Variants in LIMA1 observed in about 807,000 individuals in gnomAD.
LIMA1 encodes the protein LIM domain and actin-binding protein 1.
A neutral mutation model predicts 62.6 loss-of-function variants in LIMA1; 52 were observed. That is an observed-to-expected ratio of 0.83 (90% CI 0.67 to 1.05). The LOEUF is 1.05. Ranked by LOEUF, LIMA1 falls within the 50% of genes least tolerant of loss-of-function variation. The pLI is 0.00. For missense variants in LIMA1, 780 were observed against 902.2 expected, an observed-to-expected ratio of 0.86 and a Z score of 1.74; for synonymous variants, 302 against 317.8, an observed-to-expected ratio of 0.95 and a Z score of 0.53.
chr12:50,223,537 G>A (rs1474441161), intron 3 of LIMA1, among the ~76,000 whole-genome samples: 1 of 151,194 alleles, frequency 6.6e-6, no homozygotes, highest in Non-Finnish European at 1.5e-5. Flanking sequence ...CTGTTTTACA[G>A]ATCCTCTGGT....
chr12:50,193,669 T>TA (rs1565833557), intron 8 of LIMA1, among the ~76,000 whole-genome samples: 1,347 of 116,140 alleles, frequency 0.012, 53 homozygotes, highest in African/African-American at 0.046. Context: ...TATATATATT[T>TA]TTTTTTTTTT....
intron 9 of LIMA1, among the ~76,000 whole-genome samples, chr12:50,191,638 G>A (rs971884563): frequency 1.3e-5 from 2 of 151,938 alleles, no homozygotes; most frequent in African/African-American, 2.4e-5. Context: ...CGGCTAACAC[G>A]GTGAAACCCC....
At chr12:50,198,030 C>T (rs537545041) in intron 7 of LIMA1, among the ~76,000 whole-genome samples, 2 of 152,146 alleles carry the variant, frequency 1.3e-5, no homozygotes, top group Non-Finnish European at 2.9e-5. Context: ...ACATGACTGC[C>T]AAGTATTTTG....
chr12:50,283,193 G>A (rs1208201096), intron 1 of LIMA1, among the ~76,000 whole-genome samples: 2 of 151,926 alleles, frequency 1.3e-5, no homozygotes, highest in African/African-American at 2.4e-5. Context: ...TGCAGCTCCC[G>A]CCCTTGGGCA....
intron 1 of LIMA1, among the ~76,000 whole-genome samples, chr12:50,265,642 T>A (rs1328613145): frequency 2.0e-5 from 3 of 152,214 alleles, no homozygotes; most frequent in African/African-American, 7.2e-5. Context: ...ACCCATTTTT[T>A]AAAATGTTTG....
intron 9 of LIMA1, among the ~76,000 whole-genome samples, chr12:50,183,810 CA>C (rs34778877): frequency 7.8e-4 from 44 of 56,456 alleles, no homozygotes; most frequent in Admixed American, 2.3e-3. Context: ...GACTTGGTCT[CA>C]AAAAAAAAAA....
chr12:50,217,713 A>G (rs778990723), intron 4 of LIMA1: 3 of 276,170 alleles, frequency 1.1e-5, no homozygotes, highest in African/African-American at 2.3e-5. Flanking sequence ...CAGTGGGGGG[A>G]AGGTGTTCGA....
chr12:50,242,078 G>A lies in LIMA1; in HGVS notation c.119+6555C>T, dbSNP rs1941786441. ...GATGGAGGACGCTAAAATTATCTGG[G>A]GAGTAATAACAGTGTCTCAAATTTT... is the stretch of plus-strand genomic sequence containing the variant. On this transcript the variant is annotated intron_variant, in intron 2 of 10. Transcript: ENST00000341247. Among the ~76,000 whole-genome samples, 3 of 149,762 alleles carry A rather than the reference G, an allele frequency of 2.0e-5. No individual in the cohort carries two copies. In the Admixed American group the frequency reaches 2.0e-4, roughly 10 times the overall value.
Position 50,181,952 on chromosome 12 carries a change from A to T in LIMA1, c.1226T>A (p.Val409Glu), listed in dbSNP as rs900271917. The T allele has an allele frequency of 1.1e-5, 17 of 1,613,754 alleles. No individual in the cohort carries two copies. The highest frequency in any genetic ancestry group is 1.4e-5 in the Non-Finnish European group (16 of 1,180,034). The change falls in exon 10 of 11, where the codon GTG becomes GAG. Residue 409 changes from valine to glutamate, a missense_variant. By Grantham distance (121) the Val-to-Glu change is moderately radical (BLOSUM62 -2). Coordinates refer to ENST00000341247, the MANE Select transcript of LIMA1 (RefSeq NM_016357.5). ...GCAACGGAAGCAGCTGATGTGAAAC[A>T]CCTGCTGGTTGGCCAAGAGACGCTC... ...PMERLLANQQ[V>E]FHISCFRCSY...
intron 8 of LIMA1, among the ~76,000 whole-genome samples, chr12:50,193,606 A>ATGTG (rs66950765): frequency 2.7e-5 from 3 of 111,662 alleles, no homozygotes; most frequent in African/African-American, 3.6e-5. Flanking sequence ...ATATATATAC[A>ATGTG]TGTATATATA....
At chr12:50,280,144 A>ATTTTTTTTTTTTTTTTTTTTTTTTTT (rs71441354) in intron 1 of LIMA1, among the ~76,000 whole-genome samples, 5 of 68,310 alleles carry the variant, frequency 7.3e-5, no homozygotes, top group African/African-American at 3.0e-4. Flanking sequence ...GGGTAGTAGT[A>ATTTTTTTTTTTTTTTTTTTTTTTTTT]TTTTTTTTTT....
chr12:50,183,126 C>T (rs1016307680), intron 9 of LIMA1, among the ~76,000 whole-genome samples: 5 of 151,848 alleles, frequency 3.3e-5, no homozygotes, highest in African/African-American at 1.2e-4. Context: ...GGCGTGAACC[C>T]GGGAGGCAGA....
intron 2 of LIMA1, chr12:50,234,262 G>A (rs754451696): frequency 5.4e-6 from 2 of 371,072 alleles, no homozygotes; most frequent in South Asian, 4.2e-5. Context: ...AGGCTGGAGT[G>A]CAGTGGCACG....
intron 9 of LIMA1, chr12:50,188,340 C>G (rs2138409920): frequency 6.6e-6 from 1 of 152,306 alleles, no homozygotes; most frequent in South Asian, 2.1e-4. Context: ...GCCAGCAGGT[C>G]TTCCTATAAA....
intron 9 of LIMA1, among the ~76,000 whole-genome samples, chr12:50,190,484 C>T (rs1400619200): frequency 6.6e-6 from 1 of 150,518 alleles, no homozygotes; most frequent in East Asian, 2.0e-4. Flanking sequence ...TCTCCTGCCT[C>T]GGCTTCCCAA....
At chr12:50,197,229 C>G (rs958573252) in intron 7 of LIMA1, among the ~76,000 whole-genome samples, 1 of 152,038 alleles carries the variant, frequency 6.6e-6, no homozygotes, top group African/African-American at 2.4e-5. Context: ...CATTATCACA[C>G]CCGGCTAATT....
At chr12:50,241,545 A>C (rs1941776226) in intron 2 of LIMA1, among the ~76,000 whole-genome samples, 1 of 152,182 alleles carries the variant, frequency 6.6e-6, no homozygotes, top group Admixed American at 6.6e-5. Flanking sequence ...GGCATCTGTA[A>C]GACCAGGTGT....
chr12:50,252,787 T>C (rs943122045), intron 1 of LIMA1, among the ~76,000 whole-genome samples: 2 of 152,120 alleles, frequency 1.3e-5, no homozygotes, highest in Non-Finnish European at 2.9e-5. Context: ...ACCTGTAAGA[T>C]AAGATCTCTG....
chr12:50,208,654 G>T (rs1159559889), intron 4 of LIMA1, among the ~76,000 whole-genome samples: 5 of 151,850 alleles, frequency 3.3e-5, no homozygotes, highest in Non-Finnish European at 7.4e-5. Flanking sequence ...TGTCTCAAAA[G>T]AAATAATAAA....
Sources: gnomAD v4.1 joint callset for allele counts (sites outside exome capture counted in the v4.1 genomes callset) on GRCh38, gnomAD v4.1.1 for gene constraint, MANE v1.5 for transcripts, NCBI Gene and HGNC (gene_info 2026-07-23, HGNC 2026-07-21) for gene names.